EPHB1: variants seen among roughly 807,000 people sequenced by gnomAD.
EPHB1 encodes ephrin type-B receptor 1.
Under a neutral mutation model 94.4 loss-of-function variants are expected in EPHB1, and 30 were observed. The ratio of observed to expected loss-of-function variants is 0.32; its 90% confidence interval spans 0.24 to 0.43. The LOEUF (loss-of-function observed/expected upper bound fraction) is 0.43, where lower values mean the gene tolerates loss of function less well. Among genes scored for constraint, EPHB1 ranks in the 20% least tolerant of loss-of-function variants. The pLI is 1.00. For synonymous variants in EPHB1, 522 were observed against 489.1 expected (o/e 1.07, Z -0.89); for missense variants, 1,055 against 1,308.3 (o/e 0.81, Z 2.99).
intron 1 of EPHB1, among the ~76,000 whole-genome samples, chr3:134,799,347 GC>G (rs1204786399): frequency 6.6e-6 from 1 of 152,206 alleles, no homozygotes; most frequent in Non-Finnish European, 1.5e-5. Context: ...ACGTGCTTGA[GC>G]CTACAAGCAG....
At chr3:134,878,664 T>C (rs1205021764) in intron 1 of EPHB1, among the ~76,000 whole-genome samples, 1 of 152,224 alleles carries the variant, frequency 6.6e-6, no homozygotes, top group Non-Finnish European at 1.5e-5. Context: ...GGAGTCTAGA[T>C]GCTTAGAACT....
chr3:134,827,397 ACACT>A lies in EPHB1; in HGVS notation c.58+31710_58+31713del, dbSNP rs1578118489. On this transcript the variant is annotated intron_variant, in intron 1 of 15. Coordinates refer to ENST00000398015, the MANE Select transcript of EPHB1 (RefSeq NM_004441.5). ...CACACACACACACACACATACACAC[ACACT>A]CCTTATGGGCTTCTGTGATTGAAAG... 2.6e-5 allele frequency among the ~76,000 whole-genome samples: 4 copies of A among 152,176 alleles called. No individual in the cohort carries two copies. In the East Asian group the frequency reaches 7.7e-4, roughly 29 times the overall value.
At chr3:135,161,696 A>G (rs1230772505) in intron 6 of EPHB1, among the ~76,000 whole-genome samples, 6 of 152,142 alleles carry the variant, frequency 3.9e-5, no homozygotes, top group African/African-American at 1.4e-4. Flanking sequence ...TGGATGTGCT[A>G]TGTTATTTCA....
At chr3:135,223,363 A>G (rs1048017142) in intron 12 of EPHB1, among the ~76,000 whole-genome samples, 3 of 152,152 alleles carry the variant, frequency 2.0e-5, no homozygotes, top group Middle Eastern at 3.2e-3. Flanking sequence ...CCTATTTTAG[A>G]TATTATGCTT....
At chr3:135,093,408 A>G (rs974226811) in intron 3 of EPHB1, among the ~76,000 whole-genome samples, 2 of 152,054 alleles carry the variant, frequency 1.3e-5, no homozygotes, top group East Asian at 1.9e-4. Flanking sequence ...ATTTGAAAAA[A>G]TCTTCCACTA....
intron 4 of EPHB1, among the ~76,000 whole-genome samples, chr3:135,112,609 A>C (rs562899384): frequency 1.5e-5 from 2 of 134,388 alleles, no homozygotes; most frequent in African/African-American, 2.9e-5. Context: ...CTCACTGTTC[A>C]ATTCCGACCT....
intron 1 of EPHB1, among the ~76,000 whole-genome samples, chr3:134,918,692 C>T (rs534886941): frequency 6.6e-6 from 1 of 152,324 alleles, no homozygotes; most frequent in Admixed American, 6.5e-5. Flanking sequence ...ACATTCTGCT[C>T]ACTGCTACAT....
chr3:135,199,803 G>T (rs1259246947), intron 11 of EPHB1, among the ~76,000 whole-genome samples: 1 of 152,208 alleles, frequency 6.6e-6, no homozygotes, highest in Non-Finnish European at 1.5e-5. Flanking sequence ...TGTTGTTGTT[G>T]CTCCTAAGTA....
chr3:135,173,995 A>G (rs1941894641), intron 9 of EPHB1, among the ~76,000 whole-genome samples: 1 of 152,276 alleles, frequency 6.6e-6, no homozygotes, highest in South Asian at 2.1e-4. Context: ...TTCCTTTGAA[A>G]TTTGTCTTGT....
intron 5 of EPHB1, among the ~76,000 whole-genome samples, chr3:135,138,856 A>G (rs1459793969): frequency 6.6e-6 from 1 of 152,244 alleles, no homozygotes; most frequent in Admixed American, 6.5e-5. Flanking sequence ...GGCATTGGGA[A>G]GGAACTTCCA....
At chr3:135,125,925 A>G (rs541717369) in intron 4 of EPHB1, among the ~76,000 whole-genome samples, 74 of 151,824 alleles carry the variant, frequency 4.9e-4, no homozygotes, top group Non-Finnish European at 8.4e-4. Flanking sequence ...CATCTCAAAG[A>G]CCCTTTTACC....
chr3:134,840,942 C>A (rs2036764568), intron 1 of EPHB1, among the ~76,000 whole-genome samples: 2 of 152,218 alleles, frequency 1.3e-5, no homozygotes, highest in Admixed American at 1.3e-4. Context: ...TAACAGCAGT[C>A]TCCAGCCGGT....
intron 1 of EPHB1, among the ~76,000 whole-genome samples, chr3:134,808,460 G>C (rs1560242309): frequency 6.6e-6 from 1 of 152,170 alleles, no homozygotes; most frequent in Non-Finnish European, 1.5e-5. Flanking sequence ...TCACAAAACT[G>C]TCAGGGTGCT....
intron 3 of EPHB1, among the ~76,000 whole-genome samples, chr3:134,982,543 C>T (rs1245756863): frequency 6.6e-6 from 1 of 152,204 alleles, no homozygotes; most frequent in Non-Finnish European, 1.5e-5. Flanking sequence ...AGCTCTGTCC[C>T]TCAGTCTACC....
chr3:135,052,703 T>C (rs1450801446), intron 3 of EPHB1, among the ~76,000 whole-genome samples: 2 of 149,284 alleles, frequency 1.3e-5, no homozygotes, highest in South Asian at 2.1e-4. Flanking sequence ...GTACTAAAAA[T>C]ACAAAAAATT....
At chr3:135,168,087 T>C (rs776924585) in intron 9 of EPHB1, among the ~76,000 whole-genome samples, 8 of 152,180 alleles carry the variant, frequency 5.3e-5, no homozygotes, top group Non-Finnish European at 1.0e-4. Flanking sequence ...TGAAGGAGCT[T>C]GTGTTCTAAT....
chr3:135,033,230 C>T (rs373966885), intron 3 of EPHB1, among the ~76,000 whole-genome samples: 85 of 152,208 alleles, frequency 5.6e-4, no homozygotes, highest in African/African-American at 2.0e-3. Flanking sequence ...ATTCTGGAAT[C>T]GTTTATGGTG....
At chr3:134,958,492 C>T (rs1056079592) in intron 3 of EPHB1, among the ~76,000 whole-genome samples, 1 of 151,830 alleles carries the variant, frequency 6.6e-6, no homozygotes, top group African/African-American at 2.4e-5. Flanking sequence ...CACCAAGGAG[C>T]CCTCTCTGCT....
At chr3:135,059,003 T>A (rs1163012108) in intron 3 of EPHB1, among the ~76,000 whole-genome samples, 1 of 152,238 alleles carries the variant, frequency 6.6e-6, no homozygotes, top group East Asian at 1.9e-4. Context: ...AGAAAACAAC[T>A]GGTTTTTAAA....
Sources: allele counts gnomAD v4.1 joint callset (sites outside exome capture counted in the v4.1 genomes callset), GRCh38; gene constraint gnomAD v4.1.1; transcripts MANE v1.5; gene names NCBI Gene and HGNC (gene_info 2026-07-23, HGNC 2026-07-21).